Variants in PDZRN3 observed in about 807,000 individuals in gnomAD.
The protein encoded by PDZRN3 is PDZ domain containing ring finger 3.
Under a neutral mutation model 85.7 loss-of-function variants are expected in PDZRN3, and 38 were observed. The observed-to-expected ratio is 0.44, with a 90% confidence interval of 0.34 to 0.58. The LOEUF (loss-of-function observed/expected upper bound fraction) is 0.58, where lower values mean the gene tolerates loss of function less well. Among genes scored for constraint, PDZRN3 ranks in the 20% least tolerant of loss-of-function variants. The probability of loss-of-function intolerance (pLI) is 0.01; values close to 1 mark genes in which losing one functional copy is unlikely to be tolerated. For missense variants in PDZRN3, 1,629 were observed against 1,506.4 expected, an observed-to-expected ratio of 1.08 and a Z score of -1.35; for synonymous variants, 759 against 638.0, an observed-to-expected ratio of 1.19 and a Z score of -2.86.
rs66466551 is a variant in PDZRN3, at chr3:73,424,367, C to CAAAAAAAAA, written c.919-19981_919-19973dup. 1.1e-3 allele frequency among the ~76,000 whole-genome samples: 58 copies of CAAAAAAAAA among 54,870 alleles called. 1 individual carries two copies. The highest frequency in any genetic ancestry group is 3.7e-3 in the African/African-American group (50 of 13,444). 36.0% of individuals were successfully genotyped at this position (54,870 alleles called of 152,430 possible). A position where few individuals can be genotyped will look rare whatever the true frequency, so the allele number is the denominator to read the frequency against. On this transcript the variant is annotated intron_variant, in intron 3 of 9. Transcript: ENST00000263666. ...TAACATGGTGAAACCCCGTCTCTAC[C>CAAAAAAAAA]AAAAAAAAAAAAAAAAAAAAAAAAA...
At chr3:73,505,913 C>T (rs903404199) in intron 3 of PDZRN3, among the ~76,000 whole-genome samples, 1 of 152,102 alleles carries the variant, frequency 6.6e-6, no homozygotes, top group African/African-American at 2.4e-5. Context: ...AGAGGAGGCA[C>T]TCAACCATCT....
At chr3:73,397,544 G>T (rs970454860) in intron 5 of PDZRN3, among the ~76,000 whole-genome samples, 1 of 152,176 alleles carries the variant, frequency 6.6e-6, no homozygotes, top group Non-Finnish European at 1.5e-5. Flanking sequence ...CAGCATGCGG[G>T]GTTTATTAAT....
intron 3 of PDZRN3, among the ~76,000 whole-genome samples, chr3:73,498,282 A>G (rs1277919725): frequency 3.9e-5 from 6 of 152,156 alleles, no homozygotes; most frequent in Non-Finnish European, 8.8e-5. Flanking sequence ...ATCCCGACTA[A>G]CCTGAAAAGC....
chr3:73,600,448 A>ATTT (rs1702500447), intron 3 of PDZRN3, among the ~76,000 whole-genome samples: 1 of 152,036 alleles, frequency 6.6e-6, no homozygotes, highest in South Asian at 2.1e-4. Context: ...AGTCATGGGA[A>ATTT]TCACTGTATC....
chr3:73,592,703 T>C (rs997714442), intron 3 of PDZRN3, among the ~76,000 whole-genome samples: 9 of 152,130 alleles, frequency 5.9e-5, no homozygotes, highest in African/African-American at 1.9e-4. Flanking sequence ...AAGTAATCAT[T>C]AATCCTCATT....
chr3:73,456,457 A>C (rs1007960231), intron 3 of PDZRN3, among the ~76,000 whole-genome samples: 1 of 152,252 alleles, frequency 6.6e-6, no homozygotes, highest in African/African-American at 2.4e-5. Context: ...GAAGTGAAAC[A>C]AAATAATGTC....
intron 2 of PDZRN3, among the ~76,000 whole-genome samples, chr3:73,604,052 G>A (rs1222576306): frequency 1.3e-5 from 2 of 152,194 alleles, no homozygotes; most frequent in Non-Finnish European, 2.9e-5. Flanking sequence ...TCTTCCAAGA[G>A]AAGGGTCAGG....
intron 5 of PDZRN3, among the ~76,000 whole-genome samples, chr3:73,397,025 CTTCT>C (rs1248472655): frequency 1.3e-5 from 2 of 148,416 alleles, no homozygotes; most frequent in African/African-American, 2.4e-5. Flanking sequence ...TTATTTCTTT[CTTCT>C]TTTTCTTTCT....
intron 3 of PDZRN3, among the ~76,000 whole-genome samples, chr3:73,436,391 A>G (rs1362734648): frequency 6.6e-6 from 1 of 152,218 alleles, no homozygotes; most frequent in East Asian, 1.9e-4. Flanking sequence ...CACCAGTCAC[A>G]GCACAATTGG....
chr3:73,430,226 C>T (rs4054220), intron 3 of PDZRN3, among the ~76,000 whole-genome samples: 99,978 of 152,082 alleles, frequency 0.66, 34,108 homozygotes, highest in East Asian at 0.97. Context: ...AAGTGCACAG[C>T]TGACACTCAG....
At position 73,384,456 on chromosome 3, in the gene PDZRN3, G is replaced by A. The variant is rs748712804; in HGVS notation, c.2110C>T (p.Arg704Cys). Reference protein sequence around the residue: ...SIELECLSIVRAHKMQQLKEQ... With the variant: ...SIELECLSIVCAHKMQQLKEQ... Reference sequence around the variant, plus strand: ...TTGAGCTGCTGCATCTTGTGGGCGCGCACGATGCTCAGGCACTCCAGCTCG... The same window carrying A: ...TTGAGCTGCTGCATCTTGTGGGCGCACACGATGCTCAGGCACTCCAGCTCG... The change falls in exon 10 of 10, where the codon CGC becomes TGC. Residue 704 changes from arginine to cysteine, a missense_variant. By Grantham distance (180) the Arg-to-Cys change is radical (BLOSUM62 -3). Transcript: ENST00000263666. The A allele has an allele frequency of 1.2e-5, 19 of 1,612,412 alleles. No homozygotes were observed. The highest frequency in any genetic ancestry group is 1.7e-5 in the Admixed American group (1 of 60,026).
chr3:73,579,089 G>A (rs1483658710), intron 3 of PDZRN3, among the ~76,000 whole-genome samples: 1 of 152,118 alleles, frequency 6.6e-6, no homozygotes, highest in African/African-American at 2.4e-5. Context: ...AGTACTAAGA[G>A]GTGGGGTCTT....
intron 3 of PDZRN3, among the ~76,000 whole-genome samples, chr3:73,573,706 T>C (rs1054142500): frequency 2.6e-5 from 4 of 152,158 alleles, no homozygotes; most frequent in Non-Finnish European, 5.9e-5. Context: ...TTTTTCCCAA[T>C]CTATGCAAGT....
At position 73,477,894 on chromosome 3, in the gene PDZRN3, C is replaced by T. The variant is rs867119991; in HGVS notation, c.919-73499G>A. On this transcript the variant is annotated intron_variant, in intron 3 of 9. Transcript: ENST00000263666. ...CATGGTGGCAGGCAAGGGACGTGTG[C>T]AGGGGAACTGTCCTGTATAAAACCA... Among the ~76,000 whole-genome samples, 4 of 152,126 alleles carry T rather than the reference C, an allele frequency of 2.6e-5. No homozygotes were observed. In the South Asian group the frequency reaches 8.3e-4, roughly 32 times the overall value.
chr3:73,559,002 G>A (rs1701761060), intron 3 of PDZRN3, among the ~76,000 whole-genome samples: 1 of 152,152 alleles, frequency 6.6e-6, no homozygotes. Flanking sequence ...CATCTTACTA[G>A]GCTAAGAATT....
chr3:73,391,553 T>C (rs1468844772), intron 5 of PDZRN3, among the ~76,000 whole-genome samples: 1 of 152,186 alleles, frequency 6.6e-6, no homozygotes, highest in African/African-American at 2.4e-5. Context: ...GTCATAGAAC[T>C]TGCAAACAGA....
intron 3 of PDZRN3, among the ~76,000 whole-genome samples, chr3:73,500,540 A>G (rs139109411): frequency 3.9e-5 from 6 of 152,242 alleles, no homozygotes; most frequent in African/African-American, 1.2e-4. Context: ...TCCACTCTAT[A>G]TAAGTGTTGT....
rs1437034959 is a variant in PDZRN3 at position 73,383,434 on chromosome 3, T to A, written c.3132A>T (p.Leu1044Phe). The change falls in exon 10 of 10, where the codon TTA (leucine) becomes TTT (phenylalanine). Residue 1044 changes from leucine (L) to phenylalanine (F), a missense_variant. Transcript: ENST00000263666. ...FDNWMTIQEL[L>F]THGTKSPDGT... is the part of the protein sequence containing the mutation. The stretch of plus-strand genomic sequence containing the variant: ...CGTCCGGGGATTTTGTGCCGTGGGT[T>A]AAGAGTTCTTGGATCGTCATCCAGT... 6.2e-7 allele frequency: 1 copy of A among 1,614,072 alleles called. No homozygotes were observed. Among genetic ancestry groups the A allele is most frequent in the African/African-American group, 1.3e-5 (1 of 74,944 alleles).
intron 3 of PDZRN3, among the ~76,000 whole-genome samples, chr3:73,419,090 A>G (rs765807682): frequency 6.6e-6 from 1 of 152,170 alleles, no homozygotes; most frequent in Non-Finnish European, 1.5e-5. Flanking sequence ...AGCATTTTGT[A>G]AGATGATTTA....
Sources: allele counts gnomAD v4.1 joint callset (sites outside exome capture counted in the v4.1 genomes callset), GRCh38; gene constraint gnomAD v4.1.1; transcripts MANE v1.5; gene names NCBI Gene and HGNC (gene_info 2026-07-23, HGNC 2026-07-21).